LPAR2: variants seen among roughly 807,000 people sequenced by gnomAD.
LPAR2 encodes the protein lysophosphatidic acid receptor 2.
A neutral mutation model predicts 15.6 loss-of-function variants in LPAR2; 10 were observed. The observed-to-expected ratio is 0.64, with a 90% CI of 0.39 to 1.09. The LOEUF (loss-of-function observed/expected upper bound fraction) is 1.09. Ranked by LOEUF, LPAR2 falls within the 50% of genes least tolerant of loss-of-function variation. The probability of loss-of-function intolerance (pLI) is 0.01; values close to 1 mark genes in which losing one functional copy is unlikely to be tolerated. For synonymous variants in LPAR2, 204 were observed against 207.4 expected, an observed-to-expected ratio of 0.98 and a Z score of 0.14; for missense variants, 413 against 484.6, an observed-to-expected ratio of 0.85 and a Z score of 1.39.
chr19:19,625,945 G>A (rs2061737754), intron 2 of LPAR2, among the ~76,000 whole-genome samples: 1 of 144,550 alleles, frequency 6.9e-6, no homozygotes, highest in African/African-American at 2.6e-5. Context: ...GTGCAATGGT[G>A]TGATCTCGGC....
In LPAR2 at chr19:19,626,650, A is replaced by G. The variant is rs748811231; in HGVS notation, c.635T>C (p.Phe212Ser). Residue 212 changes from phenylalanine (F) to serine (S), a missense_variant, in exon 2 of 3, where the codon TTC becomes TCC. Transcript: ENST00000407877. The surrounding 1 kb of genome is among the most constrained non-coding windows in gnomAD (Gnocchi z 5.3). ...CTGCACTCGCCGCCGCACGTAGAAG[A>G]AAATGCGGGTGTACACAGCCACCAT... 3 of 1,613,370 alleles carry G rather than the reference A, an allele frequency of 1.9e-6. No individual in the cohort carries two copies. In the African/African-American group the frequency reaches 4.0e-5, roughly 22 times the overall value.
chr19:19,625,699 C>T (rs2144815896), intron 2 of LPAR2, among the ~76,000 whole-genome samples: 1 of 148,754 alleles, frequency 6.7e-6, no homozygotes, highest in Non-Finnish European at 1.5e-5. Flanking sequence ...AGGAGAACCA[C>T]TTGAACCTGG....
intron 2 of LPAR2, 38 bp from the exon 3 acceptor site, chr19:19,624,607 C>G (rs1403321619): frequency 6.5e-7 from 1 of 1,528,740 alleles, no homozygotes; most frequent in Admixed American, 1.8e-5. Flanking sequence ...GGCAAGCTGT[C>G]AGAGGCCCGG....
At chr19:19,625,056 G>A (rs2061733322) in intron 2 of LPAR2, among the ~76,000 whole-genome samples, 1 of 151,262 alleles carries the variant, frequency 6.6e-6, no homozygotes, top group Admixed American at 6.6e-5. Context: ...TCCTGACCTC[G>A]TGATCCGCCC....
In LPAR2 at chr19:19,627,021, G is replaced by A. The variant is rs377707999; in HGVS notation, c.264C>T (p.Leu88=). The change falls in exon 2 of 3, where the codon CTC becomes CTT. Residue 88 remains leucine, a synonymous_variant. Coordinates refer to ENST00000407877, the MANE Select transcript of LPAR2 (RefSeq NM_004720.7). This position sits in a 1 kb window ranked among gnomAD's most constrained non-coding sequence, Gnocchi z 4.7. ...CTGTGCGGGGACCAGTGTGGAACAT[G>A]AGGAAGAGGTAGGCCACGCCCGCGA... 14 of 1,613,730 alleles carry A rather than the reference G, an allele frequency of 8.7e-6. No individual in the cohort carries two copies. Among genetic ancestry groups the A allele is most frequent in the East Asian group, 6.7e-5 (3 of 44,890 alleles).
Position 19,627,340 on chromosome 19 carries a change from G to A in LPAR2, c.1-56C>T, listed in dbSNP as rs915562059. On this transcript the variant is annotated intron_variant, in intron 1 of 2. Transcript: ENST00000407877. The surrounding 1 kb of genome is among the most constrained non-coding windows in gnomAD (Gnocchi z 4.7). ...ACTTCTTGGAAGGACACAGGGAGGGGCGGCAGCTGCAGAGGAGGGTCAGCG... is the reference window on the plus strand; with the variant it reads ...ACTTCTTGGAAGGACACAGGGAGGGACGGCAGCTGCAGAGGAGGGTCAGCG... 1.3e-6 allele frequency: 2 copies of A among 1,539,894 alleles called. No individual in the cohort carries two copies. The highest frequency in any genetic ancestry group is 2.7e-5 in the African/African-American group (2 of 73,602).
At chr19:19,625,207 C>T (rs1270517101) in intron 2 of LPAR2, among the ~76,000 whole-genome samples, 2 of 152,118 alleles carry the variant, frequency 1.3e-5, no homozygotes, top group Non-Finnish European at 2.9e-5. Context: ...GCGGCACGAT[C>T]ACACCTCACT....
chr19:19,627,619 T>G lies in LPAR2; in HGVS notation c.1-335A>C. 2 of 328,536 alleles carry G rather than the reference T, an allele frequency of 6.1e-6. No homozygotes were observed. Among genetic ancestry groups the G allele is most frequent in the Non-Finnish European group, 5.8e-6 (1 of 172,312 alleles). The allele number at this position is 328,536 out of a possible 1,614,324, so 20.4% of individuals were successfully genotyped here. A position where few individuals can be genotyped will look rare whatever the true frequency, so the allele number is the denominator to read the frequency against. ...CCAATGTGTGACCCGGTTTGGGTTGTGGGGAGAGGAGGGTTAGGGAAAGAC... is the reference window on the plus strand; with the variant it reads ...CCAATGTGTGACCCGGTTTGGGTTGGGGGGAGAGGAGGGTTAGGGAAAGAC... On this transcript the variant is annotated intron_variant, in intron 1 of 2. Coordinates refer to ENST00000407877, the MANE Select transcript of LPAR2 (RefSeq NM_004720.7). The surrounding 1 kb of genome is among the most constrained non-coding windows in gnomAD (Gnocchi z 4.7).
At chr19:19,625,245 A>G (rs2061734231) in intron 2 of LPAR2, among the ~76,000 whole-genome samples, 1 of 152,062 alleles carries the variant, frequency 6.6e-6, no homozygotes, top group Admixed American at 6.6e-5. Flanking sequence ...GAGGCAGGAC[A>G]ATCACTTGAG....
rs2061740058 is a variant in LPAR2, at chr19:19,626,426, C to A, written c.742+117G>T. On this transcript the variant is annotated intron_variant, in intron 2 of 2. Transcript: ENST00000407877. This position sits in a 1 kb window ranked among gnomAD's most constrained non-coding sequence, Gnocchi z 5.3. ...TCACCTCCTTGGAGGACATTCCCCA[C>A]CTAAATCATCCCCCATCACCCTCTA... 2 of 1,308,958 alleles carry A rather than the reference C, an allele frequency of 1.5e-6. No individual in the cohort carries two copies. Among genetic ancestry groups the A allele is most frequent in the East Asian group, 2.3e-5 (1 of 43,104 alleles). The allele number at this position is 1,308,958 out of a possible 1,614,324, so 81.1% of individuals were successfully genotyped here.
At position 19,627,054 on chromosome 19, in the gene LPAR2, A is replaced by C. The variant is rs752426509; in HGVS notation, c.231T>G (p.Ala77=). The C allele has an allele frequency of 6.2e-7, 1 of 1,613,738 alleles. No homozygotes were observed. The highest frequency in any genetic ancestry group is 1.1e-5 in the South Asian group (1 of 91,064). ...GGTAGGCCACGCCCGCGAAGAGGTCAGCCGCGGCCAGATTGCCGAGCAGGT... is the reference window on the plus strand; with the variant it reads ...GGTAGGCCACGCCCGCGAAGAGGTCCGCCGCGGCCAGATTGCCGAGCAGGT... Residue 77 remains alanine (A), a synonymous_variant, in exon 2 of 3, where the codon GCT becomes GCG. Transcript: ENST00000407877. The surrounding 1 kb of genome is among the most constrained non-coding windows in gnomAD (Gnocchi z 4.7).
Position 19,626,857 on chromosome 19 carries a change from G to GGC in LPAR2, c.426_427dup (p.Pro143ArgfsTer125), listed in dbSNP as rs1370245450. 6.3e-7 allele frequency: 1 copy of GGC among 1,593,800 alleles called. No individual in the cohort carries two copies. On this transcript the variant is annotated frameshift_variant, in exon 2 of 3. Coordinates refer to ENST00000407877, the MANE Select transcript of LPAR2 (RefSeq NM_004720.7). LOFTEE classifies it high-confidence loss of function. The surrounding 1 kb of genome is among the most constrained non-coding windows in gnomAD (Gnocchi z 5.3). ...AATGAGCATGACCACGCGGCCACGG[G>GGC]GCAGGCGGCTGTGCAGCTGCACGGC...
At chr19:19,625,102 G>A (rs1407688987) in intron 2 of LPAR2, among the ~76,000 whole-genome samples, 1 of 151,870 alleles carries the variant, frequency 6.6e-6, no homozygotes, top group African/African-American at 2.4e-5. Context: ...TTACAGGCAT[G>A]AGCCACTGCG....
chr19:19,625,451 G>A (rs947327970), intron 2 of LPAR2, among the ~76,000 whole-genome samples: 1 of 152,060 alleles, frequency 6.6e-6, no homozygotes, highest in Non-Finnish European at 1.5e-5. Flanking sequence ...CTAGGCAAGA[G>A]TAAGATCCTG....
Position 19,627,031 on chromosome 19 carries a change from T to G in LPAR2, c.254A>C (p.Tyr85Ser). 6.2e-7 allele frequency: 1 copy of G among 1,613,636 alleles called. No individual in the cohort carries two copies. Among genetic ancestry groups the G allele is most frequent in the Non-Finnish European group, 8.5e-7 (1 of 1,179,958 alleles). ...ACCAGTGTGGAACATGAGGAAGAGG[T>G]AGGCCACGCCCGCGAAGAGGTCAGC... Residue 85 changes from tyrosine (Y) to serine (S), a missense_variant, in exon 2 of 3, where the codon TAC becomes TCC. By Grantham distance (144) the Tyr-to-Ser change is moderately radical (BLOSUM62 -2). Coordinates refer to ENST00000407877, the MANE Select transcript of LPAR2 (RefSeq NM_004720.7). The surrounding 1 kb of genome is among the most constrained non-coding windows in gnomAD (Gnocchi z 4.7).
In LPAR2 at chr19:19,624,305, C is replaced by T. The variant is rs557173160; in HGVS notation, c.1007G>A (p.Arg336His). The T allele has an allele frequency of 3.5e-5, 56 of 1,612,470 alleles. No individual in the cohort carries two copies. The Admixed American group carries it at 5.0e-4, about 14-fold the overall frequency. ...GTGGCCGTTCTCGGGAAGCATGATGCGAGTGCTGGCACCTCCCTGGGCAGA... is the reference window on the plus strand; with the variant it reads ...GTGGCCGTTCTCGGGAAGCATGATGTGAGTGCTGGCACCTCCCTGGGCAGA... Residue 336 changes from arginine (R) to histidine (H), a missense_variant, in exon 3 of 3, where the codon CGC becomes CAC. Transcript: ENST00000407877.
chr19:19,624,154 C>CCAGT lies in LPAR2; in HGVS notation c.*98_*101dup, dbSNP rs1437198100. 1.6e-6 allele frequency: 2 copies of CCAGT among 1,216,186 alleles called. No individual in the cohort carries two copies. The highest frequency in any genetic ancestry group is 2.3e-6 in the Non-Finnish European group (2 of 859,066). The allele number at this position is 1,216,186 out of a possible 1,614,324, so 75.3% of individuals were successfully genotyped here. A position where few individuals can be genotyped will look rare whatever the true frequency, so the allele number is the denominator to read the frequency against. Reference sequence around the variant, plus strand: ...CTGTGCCATGCCAGACCTTGTCCTGCCAGTCAGTCAGTCCTGTTGGTTGGG... The same window carrying CCAGT: ...CTGTGCCATGCCAGACCTTGTCCTGCCAGTCAGTCAGTCAGTCCTGTTGGTTGGG... On this transcript the variant is annotated 3_prime_UTR_variant, in exon 3 of 3. Coordinates refer to ENST00000407877, the MANE Select transcript of LPAR2 (RefSeq NM_004720.7).
Position 19,624,044 on chromosome 19 carries a change from T to C in LPAR2, c.*212A>G, listed in dbSNP as rs1459903007. On this transcript the variant is annotated 3_prime_UTR_variant, in exon 3 of 3. Transcript: ENST00000407877. The stretch of plus-strand genomic sequence containing the variant: ...TGAAGAGCCAGATTCCTGCACCCCA[T>C]CTGACTCCCCCAGGCAGTGGGAGAT... 1.7e-6 allele frequency: 1 copy of C among 588,820 alleles called. No individual in the cohort carries two copies. The highest frequency in any genetic ancestry group is 3.0e-6 in the Non-Finnish European group (1 of 331,568). 36.5% of individuals were successfully genotyped at this position (588,820 alleles called of 1,614,324 possible).
Position 19,623,978 on chromosome 19 carries a change from C to T in LPAR2, c.*278G>A. On this transcript the variant is annotated 3_prime_UTR_variant, in exon 3 of 3. Coordinates refer to ENST00000407877, the MANE Select transcript of LPAR2 (RefSeq NM_004720.7). ...GCTTACCAAGGATACGCAGTGAAAA[C>T]AGAATAATGTCTGTTACAAACCCCC... 2.1e-6 allele frequency: 1 copy of T among 484,644 alleles called. No individual in the cohort carries two copies. The highest frequency in any genetic ancestry group is 3.7e-6 in the Non-Finnish European group (1 of 269,950). The allele number at this position is 484,644 out of a possible 1,614,324, so 30.0% of individuals were successfully genotyped here.
Sources: gnomAD v4.1 joint callset for allele counts (sites outside exome capture counted in the v4.1 genomes callset) on GRCh38, gnomAD v4.1.1 for gene constraint, Gnocchi (gnomAD v3.1) non-coding constraint, MANE v1.5 for transcripts, NCBI Gene and HGNC (gene_info 2026-07-23, HGNC 2026-07-21) for gene names.